The following RNF121 variants were observed in gnomAD, a reference collection of about 807,000 sequenced individuals.
RNF121 encodes E3 ubiquitin ligase RNF121.
Under a neutral mutation model 46.5 loss-of-function variants are expected in RNF121, and 21 were observed. That is an observed-to-expected ratio of 0.45 (90% CI 0.32 to 0.65). The LOEUF (loss-of-function observed/expected upper bound fraction) is 0.65, where lower values mean the gene tolerates loss of function less well. RNF121 is among the 30% of genes least tolerant of loss of function. RNF121 has a pLI of 0.04. For synonymous variants in RNF121, 139 were observed against 144.7 expected, an observed-to-expected ratio of 0.96 and a Z score of 0.28; for missense variants, 346 against 416.0, an observed-to-expected ratio of 0.83 and a Z score of 1.46.
At chr11:71,961,806 G>C (rs1483155909) in intron 3 of RNF121, among the ~76,000 whole-genome samples, 3 of 152,164 alleles carry the variant, frequency 2.0e-5, no homozygotes, top group Non-Finnish European at 4.4e-5. Context: ...CAGGAGTGGT[G>C]GCACACACTT....
intron 5 of RNF121, among the ~76,000 whole-genome samples, chr11:71,989,031 AAATC>A (rs1954818938): frequency 6.6e-6 from 1 of 152,006 alleles, no homozygotes; most frequent in South Asian, 2.1e-4. Context: ...AATAAAATAA[AAATC>A]AAGATTCTGC....
chr11:71,933,433 C>T (rs560303566), intron 1 of RNF121, among the ~76,000 whole-genome samples: 1 of 152,172 alleles, frequency 6.6e-6, no homozygotes, highest in African/African-American at 2.4e-5. Flanking sequence ...CTCTTTGGCC[C>T]TGTTTTGCTC....
At chr11:71,979,172 G>T (rs1954594515) in intron 3 of RNF121, among the ~76,000 whole-genome samples, 1 of 152,208 alleles carries the variant, frequency 6.6e-6, no homozygotes, top group African/African-American at 2.4e-5. Flanking sequence ...CTCCTAGGAA[G>T]TCTGGGATAC....
intron 2 of RNF121, among the ~76,000 whole-genome samples, chr11:71,960,306 A>G (rs1157140876): frequency 6.6e-6 from 1 of 152,256 alleles, no homozygotes; most frequent in Non-Finnish European, 1.5e-5. Flanking sequence ...ACACATTTGC[A>G]GCGTTACTCC....
At chr11:71,968,564 G>A (rs1266465148) in intron 3 of RNF121, among the ~76,000 whole-genome samples, 1 of 152,212 alleles carries the variant, frequency 6.6e-6, no homozygotes, top group African/African-American at 2.4e-5. Flanking sequence ...TTAAAGGTCA[G>A]TTCTAGAGAG....
chr11:71,932,124 T>TA (rs1437033125), intron 1 of RNF121, among the ~76,000 whole-genome samples: 1 of 152,240 alleles, frequency 6.6e-6, no homozygotes, highest in Non-Finnish European at 1.5e-5. Context: ...TAGGCTTTCC[T>TA]AATGGCTTCT....
At chr11:71,978,534 T>C (rs1954581522) in intron 3 of RNF121, among the ~76,000 whole-genome samples, 1 of 152,230 alleles carries the variant, frequency 6.6e-6, no homozygotes. Context: ...TGGTCTTTGC[T>C]CCTTTGTATG....
intron 1 of RNF121, among the ~76,000 whole-genome samples, chr11:71,929,529 T>C (rs543709181): frequency 6.6e-6 from 1 of 152,072 alleles, no homozygotes; most frequent in African/African-American, 2.4e-5. Context: ...AGGGTGGGGG[T>C]TGGGGACACA....
At chr11:71,974,336 T>A (rs1954484634) in intron 3 of RNF121, among the ~76,000 whole-genome samples, 1 of 152,198 alleles carries the variant, frequency 6.6e-6, no homozygotes, top group Admixed American at 6.5e-5. Flanking sequence ...TTGCTTATAG[T>A]TTAGATTTGT....
chr11:71,981,201 A>C (rs113447011), intron 3 of RNF121, among the ~76,000 whole-genome samples: 3,883 of 122,122 alleles, frequency 0.032, 53 homozygotes, highest in East Asian at 0.091. Context: ...GGTGCCTGCC[A>C]CCACACCCGG....
chr11:71,978,353 T>C (rs1026727836), intron 3 of RNF121: 5 of 247,918 alleles, frequency 2.0e-5, no homozygotes, highest in Non-Finnish European at 4.2e-5. Flanking sequence ...CAAGCAGAAG[T>C]TGGCTTTCAC....
Position 71,986,643 on chromosome 11 carries a change from C to T in RNF121, c.399-361C>T, listed in dbSNP as rs541983887. Among the ~76,000 whole-genome samples, 18 of 151,928 alleles carry T rather than the reference C, an allele frequency of 1.2e-4. No individual in the cohort carries two copies. In the East Asian group the frequency reaches 3.3e-3, roughly 28 times the overall value. ...AATTAGCCGGGTGTGGTGGTGGGCA[C>T]CTGTGGTCCCAGCTACTCAGGAGGC... is the stretch of plus-strand genomic sequence containing the variant. On this transcript the variant is annotated intron_variant, in intron 4 of 8. Transcript: ENST00000361756.
chr11:71,931,385 T>C (rs1186917771), intron 1 of RNF121, among the ~76,000 whole-genome samples: 2 of 152,164 alleles, frequency 1.3e-5, no homozygotes, highest in African/African-American at 4.8e-5. Context: ...TTGTTGTATG[T>C]TTGAGAAAGT....
At chr11:71,978,529 T>A (rs1954581270) in intron 3 of RNF121, among the ~76,000 whole-genome samples, 1 of 152,242 alleles carries the variant, frequency 6.6e-6, no homozygotes, top group Non-Finnish European at 1.5e-5. Context: ...CATTCTGGTC[T>A]TTGCTCCTTT....
intron 7 of RNF121, 89 bp from the exon 8 acceptor site, chr11:71,995,361 G>A: frequency 9.8e-7 from 1 of 1,017,034 alleles, no homozygotes; most frequent in Non-Finnish European, 1.5e-6. Context: ...CTGATAAAGA[G>A]CGAAGGCAGG....
At chr11:71,985,341 G>T (rs1367346006) in intron 4 of RNF121, among the ~76,000 whole-genome samples, 2 of 152,258 alleles carry the variant, frequency 1.3e-5, no homozygotes, top group East Asian at 3.9e-4. Flanking sequence ...GGGTTTTCCT[G>T]TTTTACAAAG....
intron 3 of RNF121, among the ~76,000 whole-genome samples, chr11:71,971,167 T>C (rs1370570567): frequency 1.3e-5 from 2 of 152,144 alleles, no homozygotes; most frequent in Non-Finnish European, 2.9e-5. Context: ...GCAGATCACT[T>C]GAGCCTAGAG....
chr11:71,954,499 T>C (rs1227226362), intron 1 of RNF121, among the ~76,000 whole-genome samples: 1 of 152,196 alleles, frequency 6.6e-6, no homozygotes, highest in Non-Finnish European at 1.5e-5. Flanking sequence ...TGGCCTCTTC[T>C]AGTAGTTTTA....
At chr11:71,991,278 T>G (rs1384486214) in intron 6 of RNF121, among the ~76,000 whole-genome samples, 1 of 152,198 alleles carries the variant, frequency 6.6e-6, no homozygotes, top group African/African-American at 2.4e-5. Context: ...CCTATAATTT[T>G]TCTCTTTAGG....
Sources: allele counts gnomAD v4.1 joint callset (sites outside exome capture counted in the v4.1 genomes callset), GRCh38; gene constraint gnomAD v4.1.1; transcripts MANE v1.5; gene names NCBI Gene and HGNC (gene_info 2026-07-23, HGNC 2026-07-21).